Variants in KIF6 observed in about 807,000 individuals in gnomAD.
KIF6 encodes kinesin-like protein KIF6.
Under a neutral mutation model 112.7 loss-of-function variants are expected in KIF6, and 106 were observed. The ratio of observed to expected loss-of-function variants is 0.94; its 90% CI spans 0.80 to 1.11. The LOEUF is 1.11. Among genes scored for constraint, KIF6 ranks in the 50% least tolerant of loss-of-function variants. The pLI is 0.00. For missense variants in KIF6, 929 were observed against 964.0 expected, an observed-to-expected ratio of 0.96 and a Z score of 0.48; for synonymous variants, 339 against 339.9, an observed-to-expected ratio of 1.00 and a Z score of 0.03.
intron 15 of KIF6, among the ~76,000 whole-genome samples, chr6:39,395,769 C>A (rs551679839): frequency 1.4e-4 from 21 of 152,252 alleles, no homozygotes; most frequent in African/African-American, 4.3e-4. Flanking sequence ...CCAACATGCT[C>A]CTACTTGCAC....
chr6:39,709,151 A>C (rs1053895927), intron 3 of KIF6, among the ~76,000 whole-genome samples: 1 of 152,164 alleles, frequency 6.6e-6, no homozygotes, highest in African/African-American at 2.4e-5. Flanking sequence ...CACAAAGATT[A>C]TTTTACTTTA....
rs536886843 is a variant in KIF6 at position 39,711,476 on chromosome 6, T to G, written c.251+3216A>C. Reference sequence around the variant, plus strand: ...GCCTCAACCTGCTGGGCTTAAGTGATCCTCCCACCCGAACCTCCTGAGTAG... The same window carrying G: ...GCCTCAACCTGCTGGGCTTAAGTGAGCCTCCCACCCGAACCTCCTGAGTAG... On this transcript the variant is annotated intron_variant, in intron 3 of 22. Transcript: ENST00000287152. Among the ~76,000 whole-genome samples, 3 of 152,120 alleles carry G rather than the reference T, an allele frequency of 2.0e-5. No individual in the cohort carries two copies. The East Asian group carries it at 5.8e-4, about 29-fold the overall frequency.
intron 6 of KIF6, among the ~76,000 whole-genome samples, chr6:39,608,774 T>C (rs113028364): frequency 2.0e-5 from 3 of 152,216 alleles, no homozygotes; most frequent in Non-Finnish European, 2.9e-5. Flanking sequence ...CAGTGTACCA[T>C]AAAATCACTT....
chr6:39,607,255 T>A (rs1184193133), intron 6 of KIF6, among the ~76,000 whole-genome samples: 1 of 152,204 alleles, frequency 6.6e-6, no homozygotes, highest in Non-Finnish European at 1.5e-5. Context: ...AGCTGTTCCA[T>A]ACCACTCATT....
chr6:39,700,824 T>C (rs1032650092), intron 3 of KIF6, among the ~76,000 whole-genome samples: 7 of 152,026 alleles, frequency 4.6e-5, no homozygotes, highest in African/African-American at 1.7e-4. Context: ...GCCATTCTCA[T>C]ACCTCAACCT....
chr6:39,394,055 C>CAT (rs1768076070), intron 15 of KIF6, among the ~76,000 whole-genome samples: 1 of 151,988 alleles, frequency 6.6e-6, no homozygotes, highest in Non-Finnish European at 1.5e-5. Context: ...TGCCCTTGTG[C>CAT]ATATATATGT....
intron 7 of KIF6, among the ~76,000 whole-genome samples, chr6:39,591,801 A>G (rs1582218541): frequency 6.6e-6 from 1 of 152,192 alleles, no homozygotes; most frequent in African/African-American, 2.4e-5. Flanking sequence ...AGGCACAGGA[A>G]AATGCGGTGG....
At chr6:39,368,037 G>A (rs937066193) in intron 16 of KIF6, among the ~76,000 whole-genome samples, 1 of 152,200 alleles carries the variant, frequency 6.6e-6, no homozygotes, top group African/African-American at 2.4e-5. Flanking sequence ...CTGTGCAGAA[G>A]TTACTGAGAA....
chr6:39,510,094 C>CTT (rs70984130), intron 13 of KIF6, among the ~76,000 whole-genome samples: 3 of 131,560 alleles, frequency 2.3e-5, no homozygotes, highest in Non-Finnish European at 3.2e-5. Flanking sequence ...CTTTTCTTTT[C>CTT]TTTTTTTTTT....
At chr6:39,346,132 CCTCTCTCT>C (rs779814201) in intron 20 of KIF6, among the ~76,000 whole-genome samples, 12 of 26,934 alleles carry the variant, frequency 4.5e-4, no homozygotes, top group African/African-American at 1.2e-3. Flanking sequence ...CCTCCCTCTC[CCTCTCTCT>C]CTCTCTCTCT....
intron 15 of KIF6, among the ~76,000 whole-genome samples, chr6:39,405,008 T>G (rs1190765166): frequency 6.6e-6 from 1 of 151,508 alleles, no homozygotes; most frequent in Admixed American, 6.6e-5. Context: ...AATATTTAAT[T>G]TTGGTAAACA....
chr6:39,663,720 TA>T (rs961668415), intron 3 of KIF6, among the ~76,000 whole-genome samples: 6 of 151,564 alleles, frequency 4.0e-5, no homozygotes, highest in African/African-American at 1.2e-4. Flanking sequence ...AGCAGTAAGT[TA>T]AAAAAAATAG....
At chr6:39,340,664 C>T (rs916153960) in intron 22 of KIF6, among the ~76,000 whole-genome samples, 1 of 152,150 alleles carries the variant, frequency 6.6e-6, no homozygotes, top group African/African-American at 2.4e-5. Flanking sequence ...GTTTGCCATA[C>T]ATATTTTAAT....
At chr6:39,594,610 C>T (rs925076572) in intron 7 of KIF6, among the ~76,000 whole-genome samples, 3 of 152,146 alleles carry the variant, frequency 2.0e-5, no homozygotes. Flanking sequence ...GCACCTTGTT[C>T]AGATAGGGTC....
At chr6:39,577,995 CA>C (rs1781062896) in intron 10 of KIF6, 60 bp downstream of exon 10, 1 of 1,161,002 alleles carries the variant, frequency 8.6e-7, no homozygotes, top group African/African-American at 1.5e-5. Flanking sequence ...TTAGGGCCAA[CA>C]AAGAAGTTAA....
chr6:39,550,102 C>T (rs1779285623), intron 10 of KIF6, among the ~76,000 whole-genome samples: 1 of 152,110 alleles, frequency 6.6e-6, no homozygotes, highest in Admixed American at 6.6e-5. Context: ...CACTCTTCTT[C>T]AATATTTTTA....
intron 15 of KIF6, among the ~76,000 whole-genome samples, chr6:39,392,095 A>C (rs1397821605): frequency 2.0e-5 from 3 of 152,138 alleles, no homozygotes; most frequent in African/African-American, 7.2e-5. Flanking sequence ...GTGTTCTTAC[A>C]ATTTGTATTA....
chr6:39,535,126 C>G (rs1255088530), intron 13 of KIF6, among the ~76,000 whole-genome samples: 1 of 152,130 alleles, frequency 6.6e-6, no homozygotes, highest in Admixed American at 6.5e-5. Flanking sequence ...ATGTAAAGAC[C>G]ATAGAGACTA....
At chr6:39,678,996 T>G (rs1381507229) in intron 3 of KIF6, among the ~76,000 whole-genome samples, 1 of 152,190 alleles carries the variant, frequency 6.6e-6, no homozygotes, top group East Asian at 1.9e-4. Context: ...ATACTGATGT[T>G]CAACAAACAA....
Sources: allele counts gnomAD v4.1 joint callset (sites outside exome capture counted in the v4.1 genomes callset), GRCh38; gene constraint gnomAD v4.1.1; transcripts MANE v1.5; gene names NCBI Gene and HGNC (gene_info 2026-07-23, HGNC 2026-07-21).